NALF1: variants seen among roughly 807,000 people sequenced by gnomAD.
The protein encoded by NALF1 is family with sequence similarity 155 member A.
Under a neutral mutation model 48.4 loss-of-function variants are expected in NALF1, and 3 were observed. The observed-to-expected ratio is 0.06, with a 90% confidence interval of 0.03 to 0.16. The LOEUF (loss-of-function observed/expected upper bound fraction) is 0.16, where lower values mean the gene tolerates loss of function less well. Among genes scored for constraint, NALF1 ranks in the 10% least tolerant of loss-of-function variants. The pLI, the probability that NALF1 is intolerant of heterozygous loss-of-function variation, is 1.00. For synonymous variants in NALF1, 262 were observed against 245.7 expected (o/e 1.07, Z -0.62); for missense variants, 526 against 571.5 (o/e 0.92, Z 0.81).
intron 1 of NALF1, among the ~76,000 whole-genome samples, chr13:107,260,672 A>G (rs1302466028): frequency 2.6e-5 from 4 of 152,114 alleles, no homozygotes; most frequent in African/African-American, 9.7e-5. Flanking sequence ...TTCTCTCCTC[A>G]TTGTCCTTAC....
intron 2 of NALF1, among the ~76,000 whole-genome samples, chr13:107,183,111 G>A (rs1008113197): frequency 1.3e-5 from 2 of 152,120 alleles, no homozygotes; most frequent in African/African-American, 2.4e-5. Context: ...CACTTGGCAG[G>A]CAAGGCCTTG....
intron 1 of NALF1, among the ~76,000 whole-genome samples, chr13:107,397,042 G>A (rs1883725269): frequency 1.3e-5 from 2 of 152,182 alleles, no homozygotes; most frequent in Admixed American, 1.3e-4. Context: ...ACTACCCTTG[G>A]TGGAAGGTCT....
At chr13:107,247,657 G>T (rs995517040) in intron 1 of NALF1, among the ~76,000 whole-genome samples, 3 of 152,112 alleles carry the variant, frequency 2.0e-5, no homozygotes, top group Non-Finnish European at 4.4e-5. Flanking sequence ...GGACACATGG[G>T]GATATCTGTT....
chr13:107,505,656 G>A (rs1250156881), intron 1 of NALF1, among the ~76,000 whole-genome samples: 2 of 152,162 alleles, frequency 1.3e-5, no homozygotes, highest in African/African-American at 4.8e-5. Flanking sequence ...GTGGGCAATG[G>A]AGATTAGGAG....
intron 1 of NALF1, among the ~76,000 whole-genome samples, chr13:107,624,714 A>C (rs1879619447): frequency 6.6e-6 from 1 of 152,248 alleles, no homozygotes; most frequent in African/African-American, 2.4e-5. Flanking sequence ...ATTTATCCAT[A>C]GCAACGGCCT....
At chr13:107,268,273 C>G (rs1881085070) in intron 1 of NALF1, among the ~76,000 whole-genome samples, 1 of 152,064 alleles carries the variant, frequency 6.6e-6, no homozygotes. Flanking sequence ...CAGGTGTGAG[C>G]CACCGCACCC....
rs1189471119 is a variant in NALF1, at chr13:107,367,759, T to C, written c.916-157004A>G. The stretch of plus-strand genomic sequence containing the variant: ...CCTTGAGAGGCAAAGAGGGTAAAGA[T>C]CATTATCCGTTGACCATCTACTAGG... On this transcript the variant is annotated intron_variant, in intron 1 of 2. Transcript: ENST00000375915. Among the ~76,000 whole-genome samples the C allele has an allele frequency of 2.6e-5, 4 of 152,162 alleles. No homozygotes were observed. The East Asian group carries it at 7.7e-4, about 29-fold the overall frequency.
chr13:107,476,105 T>C (rs1885173621), intron 1 of NALF1, among the ~76,000 whole-genome samples: 1 of 152,178 alleles, frequency 6.6e-6, no homozygotes, highest in Non-Finnish European at 1.5e-5. Context: ...AAAAAATAGA[T>C]ATTTGAAAGG....
At chr13:107,737,717 CA>C (rs1876507118) in intron 1 of NALF1, among the ~76,000 whole-genome samples, 1 of 152,122 alleles carries the variant, frequency 6.6e-6, no homozygotes, top group Non-Finnish European at 1.5e-5. Flanking sequence ...ATTATTTGTA[CA>C]TTTACTTCTG....
At chr13:107,436,697 T>G (rs756590289) in intron 1 of NALF1, among the ~76,000 whole-genome samples, 3 of 152,152 alleles carry the variant, frequency 2.0e-5, no homozygotes, top group Non-Finnish European at 4.4e-5. Context: ...TTTCATCACT[T>G]TTATTTATCA....
rs554026198 is a variant in NALF1 at position 107,627,629 on chromosome 13, G to A, written c.915+238053C>T. 3.3e-5 allele frequency among the ~76,000 whole-genome samples: 5 copies of A among 152,058 alleles called. No homozygotes were observed. In the East Asian group the frequency reaches 7.7e-4, roughly 24 times the overall value. Reference sequence around the variant, plus strand: ...CTATAAAACGTATATTTTAAAGCCCGCACATAAGGCTTTAAAAATGTCACT... The same window carrying A: ...CTATAAAACGTATATTTTAAAGCCCACACATAAGGCTTTAAAAATGTCACT... On this transcript the variant is annotated intron_variant, in intron 1 of 2. Coordinates refer to ENST00000375915, the MANE Select transcript of NALF1 (RefSeq NM_001080396.3).
chr13:107,636,457 C>G (rs897247445), intron 1 of NALF1, among the ~76,000 whole-genome samples: 29 of 152,260 alleles, frequency 1.9e-4, no homozygotes, highest in Middle Eastern at 3.4e-3. Context: ...CATCTAGACA[C>G]TGATCAAGAA....
chr13:107,533,190 T>A (rs1346506553), intron 1 of NALF1, among the ~76,000 whole-genome samples: 2 of 152,146 alleles, frequency 1.3e-5, no homozygotes, highest in Admixed American at 1.3e-4. Flanking sequence ...TTACATATTT[T>A]GTTTGTAAAG....
At chr13:107,359,173 C>T (rs544196065) in intron 1 of NALF1, among the ~76,000 whole-genome samples, 5 of 152,060 alleles carry the variant, frequency 3.3e-5, no homozygotes, top group African/African-American at 1.2e-4. Flanking sequence ...TCAAATCATT[C>T]TCATCCTTTT....
intron 2 of NALF1, among the ~76,000 whole-genome samples, chr13:107,181,727 CTAAT>C (rs1402888162): frequency 6.7e-6 from 1 of 149,164 alleles, no homozygotes; most frequent in Non-Finnish European, 1.5e-5. Context: ...ACAAATGTTT[CTAAT>C]TATTTTGCTT....
intron 1 of NALF1, among the ~76,000 whole-genome samples, chr13:107,859,574 G>A (rs1880515094): frequency 6.6e-6 from 1 of 152,118 alleles, no homozygotes; most frequent in African/African-American, 2.4e-5. Flanking sequence ...TGACAAGAAA[G>A]AAGTCATGTT....
At chr13:107,176,641 C>CA (rs1047032141) in intron 2 of NALF1, among the ~76,000 whole-genome samples, 13 of 148,812 alleles carry the variant, frequency 8.7e-5, no homozygotes, top group African/African-American at 2.7e-4. Context: ...GACTCCATCT[C>CA]AAAAAAAAAT....
chr13:107,330,996 C>A (rs2138923976), intron 1 of NALF1, among the ~76,000 whole-genome samples: 1 of 152,166 alleles, frequency 6.6e-6, no homozygotes, highest in Non-Finnish European at 1.5e-5. Context: ...TACAGGAATG[C>A]AAGATGGCCC....
chr13:107,460,446 TAGG>T (rs1884899631), intron 1 of NALF1, among the ~76,000 whole-genome samples: 1 of 152,250 alleles, frequency 6.6e-6, no homozygotes, highest in Admixed American at 6.5e-5. Flanking sequence ...TATTCTCTGC[TAGG>T]AGTAGATGTG....
Sources: gnomAD v4.1 joint callset for allele counts (sites outside exome capture counted in the v4.1 genomes callset) on GRCh38, gnomAD v4.1.1 for gene constraint, MANE v1.5 for transcripts, NCBI Gene and HGNC (gene_info 2026-07-23, HGNC 2026-07-21) for gene names.